PAIP2B: variants seen among roughly 807,000 people sequenced by gnomAD.
PAIP2B encodes polyadenylate-binding protein-interacting protein 2B.
Under a neutral mutation model 17.0 loss-of-function variants are expected in PAIP2B, and 13 were observed. The ratio of observed to expected loss-of-function variants is 0.76; its 90% CI spans 0.50 to 1.22. The LOEUF (loss-of-function observed/expected upper bound fraction) is 1.22, where lower values mean the gene tolerates loss of function less well. Among genes scored for constraint, PAIP2B ranks in the 50% most tolerant of loss-of-function variants. PAIP2B has a pLI of 0.00. For missense variants in PAIP2B, 117 were observed against 144.5 expected, an observed-to-expected ratio of 0.81 and a Z score of 0.98; for synonymous variants, 43 against 48.7, an observed-to-expected ratio of 0.88 and a Z score of 0.48.
At chr2:71,190,607 C>A (rs62143406) in intron 2 of PAIP2B, among the ~76,000 whole-genome samples, 3,891 of 152,254 alleles carry the variant, frequency 0.026, 74 homozygotes, top group Middle Eastern at 0.044. Context: ...AATTCAAGGT[C>A]TCCGCAGATG....
At chr2:71,195,256 CCCT>C (rs1273724023) in intron 2 of PAIP2B, among the ~76,000 whole-genome samples, 1 of 152,138 alleles carries the variant, frequency 6.6e-6, no homozygotes, top group Non-Finnish European at 1.5e-5. Flanking sequence ...GGGGAGAAAT[CCCT>C]CCTCCTCAAT....
chr2:71,209,565 G>A (rs1245656321), intron 1 of PAIP2B, among the ~76,000 whole-genome samples: 1 of 152,122 alleles, frequency 6.6e-6, no homozygotes. Flanking sequence ...CCATTACAAA[G>A]CCACATGAAA....
At chr2:71,201,400 T>C (rs1405066818) in intron 2 of PAIP2B, among the ~76,000 whole-genome samples, 1 of 152,024 alleles carries the variant, frequency 6.6e-6, no homozygotes, top group Non-Finnish European at 1.5e-5. Context: ...TTTTTTTTTT[T>C]TGAGACAGAG....
chr2:71,212,769 A>G (rs1436575229), intron 1 of PAIP2B, among the ~76,000 whole-genome samples: 1 of 151,708 alleles, frequency 6.6e-6, no homozygotes, highest in Non-Finnish European at 1.5e-5. Context: ...TTTAATTTTT[A>G]TAGAGACAGG....
chr2:71,221,019 T>G (rs1368904530), intron 1 of PAIP2B, among the ~76,000 whole-genome samples: 1 of 152,236 alleles, frequency 6.6e-6, no homozygotes, highest in Non-Finnish European at 1.5e-5. Context: ...AGAGAAGAAG[T>G]AAATGATTTC....
chr2:71,218,056 G>C (rs1675477610), intron 1 of PAIP2B, among the ~76,000 whole-genome samples: 1 of 152,056 alleles, frequency 6.6e-6, no homozygotes, highest in South Asian at 2.1e-4. Context: ...GACAGACCAA[G>C]ACCTAGATAA....
chr2:71,203,138 A>G (rs949633834), intron 1 of PAIP2B, among the ~76,000 whole-genome samples: 5 of 152,034 alleles, frequency 3.3e-5, no homozygotes, highest in Non-Finnish European at 7.4e-5. Flanking sequence ...AATGTTGCGC[A>G]TATAACCTTC....
chr2:71,205,792 T>C (rs1267477551), intron 1 of PAIP2B, among the ~76,000 whole-genome samples: 1 of 152,200 alleles, frequency 6.6e-6, no homozygotes, highest in Non-Finnish European at 1.5e-5. Context: ...AAAGAAAATA[T>C]GCCCAAAGCT....
At chr2:71,211,665 C>A (rs1188860076) in intron 1 of PAIP2B, among the ~76,000 whole-genome samples, 3 of 150,430 alleles carry the variant, frequency 2.0e-5, no homozygotes, top group Non-Finnish European at 4.4e-5. Flanking sequence ...GTTTAATTTA[C>A]CAAGCATTTC....
intron 2 of PAIP2B, among the ~76,000 whole-genome samples, chr2:71,194,073 T>C (rs1674754189): frequency 6.6e-6 from 1 of 152,112 alleles, no homozygotes; most frequent in Non-Finnish European, 1.5e-5. Flanking sequence ...TTCCACTGGT[T>C]TATGTGCCTG....
chr2:71,192,445 G>C (rs544862053), intron 2 of PAIP2B, among the ~76,000 whole-genome samples: 1 of 151,714 alleles, frequency 6.6e-6, no homozygotes. Flanking sequence ...AGTAATCTTT[G>C]ATGTTACTTT....
chr2:71,188,492 C>T lies in PAIP2B; in HGVS notation c.359G>A (p.Gly120Glu), dbSNP rs1572918324. 2 of 1,610,036 alleles carry T rather than the reference C, an allele frequency of 1.2e-6. No homozygotes were observed. Among genetic ancestry groups the T allele is most frequent in the Non-Finnish European group, 1.7e-6 (2 of 1,178,048 alleles). ...AGCTTTCTCGGCTCAGTACTTCTCT[C>T]CTGGAATAAACTCCTTGGCATCTGG... Reference protein sequence around the residue: ...LNPDAKEFIPGEKY With the variant: ...LNPDAKEFIPEEKY Residue 120 changes from glycine to glutamate, a missense_variant, in exon 4 of 4, where the codon GGA becomes GAA. Physicochemically the swap from Gly to Glu is moderately conservative, Grantham distance 98. Transcript: ENST00000244221.
chr2:71,214,671 T>C (rs1335188798), intron 1 of PAIP2B, among the ~76,000 whole-genome samples: 2 of 152,198 alleles, frequency 1.3e-5, no homozygotes, highest in African/African-American at 4.8e-5. Context: ...TCTACCCACT[T>C]AGTGTGAATA....
Position 71,202,521 on chromosome 2 carries a change from C to T in PAIP2B, c.69G>A (p.Gly23=). 6.2e-7 allele frequency: 1 copy of T among 1,613,748 alleles called. No homozygotes were observed. The highest frequency in any genetic ancestry group is 8.5e-7 in the Non-Finnish European group (1 of 1,179,680). ...VKSKEDQGLS[G]HDEKENPFAE... The stretch of plus-strand genomic sequence containing the variant: ...CAAATGGGTTTTCCTTTTCATCGTG[C>T]CCACTTAACCCCTGGTCCTCTTTGG... The change falls in exon 2 of 4, where the codon GGG becomes GGA. Residue 23 remains glycine, a synonymous_variant. Coordinates refer to ENST00000244221, the MANE Select transcript of PAIP2B (RefSeq NM_020459.1).
At chr2:71,212,621 CACTT>C (rs1322854254) in intron 1 of PAIP2B, among the ~76,000 whole-genome samples, 7 of 152,138 alleles carry the variant, frequency 4.6e-5, no homozygotes, top group East Asian at 3.8e-4. Context: ...GATTAAAAAA[CACTT>C]ACTTATATTT....
In PAIP2B at chr2:71,198,283, T is replaced by TGGG. The variant is rs1165045389; in HGVS notation, c.138+4168_138+4169insCCC. Among the ~76,000 whole-genome samples the TGGG allele has an allele frequency of 1.7e-3, 213 of 126,738 alleles. 1 individual carries two copies. Among genetic ancestry groups the TGGG allele is most frequent in the Non-Finnish European group, 2.9e-3 (167 of 57,148 alleles). 83.1% of individuals were successfully genotyped at this position (126,738 alleles called of 152,430 possible). On this transcript the variant is annotated intron_variant, in intron 2 of 3. Transcript: ENST00000244221. ...ACAGGTGCCTGCCACCAGGCCCAGC[T>TGGG]AATTTTTTTTTTTTTTTTTTGAGAC...
In PAIP2B at chr2:71,189,940, T is replaced by C. The variant is rs776405043; in HGVS notation, c.220A>G (p.Ile74Val). Residue 74 changes from isoleucine (I) to valine (V), a missense_variant, in exon 3 of 4, where the codon ATT (isoleucine) becomes GTT (valine). Transcript: ENST00000244221. ...MLDEEDQDWF[I>V]PSRDLPQAMG... ...GCCTGAGGCAGGTCTCGTGAGGGAA[T>C]AAACCAGTCTTGGTCTTCTTCATCC... The C allele has an allele frequency of 1.2e-6, 2 of 1,609,084 alleles. No individual in the cohort carries two copies. The highest frequency in any genetic ancestry group is 2.2e-5 in the East Asian group (1 of 44,760).
intron 2 of PAIP2B, among the ~76,000 whole-genome samples, chr2:71,194,385 T>C (rs1282999551): frequency 6.6e-6 from 1 of 152,144 alleles, no homozygotes; most frequent in Non-Finnish European, 1.5e-5. Flanking sequence ...GCATCTTCTC[T>C]GATTTGTTTG....
chr2:71,188,336 A>C lies in PAIP2B; in HGVS notation c.*143T>G. 1.5e-6 allele frequency: 1 copy of C among 654,022 alleles called. No individual in the cohort carries two copies. The highest frequency in any genetic ancestry group is 2.7e-6 in the Non-Finnish European group (1 of 368,850). 40.5% of individuals were successfully genotyped at this position (654,022 alleles called of 1,614,324 possible). A position where few individuals can be genotyped will look rare whatever the true frequency, so the allele number is the denominator to read the frequency against. ...ATAAGACTGAGCATATTAGTTACTC[A>C]GAGTCACAGTATTGTGAGACCACCA... is the stretch of plus-strand genomic sequence containing the variant. On this transcript the variant is annotated 3_prime_UTR_variant, in exon 4 of 4. Coordinates refer to ENST00000244221, the MANE Select transcript of PAIP2B (RefSeq NM_020459.1).
Sources: gnomAD v4.1 joint callset for allele counts (sites outside exome capture counted in the v4.1 genomes callset) on GRCh38, gnomAD v4.1.1 for gene constraint, MANE v1.5 for transcripts, NCBI Gene and HGNC (gene_info 2026-07-23, HGNC 2026-07-21) for gene names.